MAP3K20: variants seen among roughly 807,000 people sequenced by gnomAD.
MAP3K20 encodes HCCS-4.
Under a neutral mutation model 85.7 loss-of-function variants are expected in MAP3K20, and 40 were observed. The observed-to-expected ratio is 0.47, with a 90% confidence interval of 0.36 to 0.61. MAP3K20 has a LOEUF of 0.61. Among genes scored for constraint, MAP3K20 ranks in the 20% least tolerant of loss-of-function variants. The probability of loss-of-function intolerance (pLI) is 0.00; values close to 1 mark genes in which losing one functional copy is unlikely to be tolerated. For synonymous variants in MAP3K20, 325 were observed against 327.7 expected (o/e 0.99, Z 0.09); for missense variants, 817 against 961.7 (o/e 0.85, Z 1.99).
chr2:173,181,268 G>T (rs916146717), intron 3 of MAP3K20, among the ~76,000 whole-genome samples: 11 of 152,034 alleles, frequency 7.2e-5, no homozygotes, highest in African/African-American at 2.7e-4. Context: ...TGTAATCCCA[G>T]CTACTTGTGA....
At chr2:173,231,012 T>G (rs1181108448) in intron 12 of MAP3K20, among the ~76,000 whole-genome samples, 1 of 152,114 alleles carries the variant, frequency 6.6e-6, no homozygotes, top group African/African-American at 2.4e-5. Context: ...AAAATTTTTT[T>G]TAAGTTCTAT....
intron 7 of MAP3K20, among the ~76,000 whole-genome samples, chr2:173,193,806 T>C (rs2106278527): frequency 6.6e-6 from 1 of 152,342 alleles, no homozygotes; most frequent in South Asian, 2.1e-4. Flanking sequence ...CGTCTCTTTG[T>C]GGATTAGCTT....
At chr2:173,080,729 G>A (rs1452900831) in intron 1 of MAP3K20, among the ~76,000 whole-genome samples, 1 of 152,118 alleles carries the variant, frequency 6.6e-6, no homozygotes, top group Non-Finnish European at 1.5e-5. Context: ...TTGGTACCCT[G>A]TCCTGTTCCC....
chr2:173,208,522 T>C (rs1313624380), intron 9 of MAP3K20, among the ~76,000 whole-genome samples: 1 of 152,228 alleles, frequency 6.6e-6, no homozygotes, highest in Admixed American at 6.5e-5. Context: ...CCTCTTTGCT[T>C]ATTAGAAGGC....
chr2:173,200,518 T>C (rs1169342595), intron 8 of MAP3K20, among the ~76,000 whole-genome samples: 1 of 152,226 alleles, frequency 6.6e-6, no homozygotes, highest in African/African-American at 2.4e-5. Context: ...CAGGAAGACA[T>C]TTTAAATGTT....
chr2:173,225,054 A>G (rs1472292002), intron 11 of MAP3K20: 1 of 985,102 alleles, frequency 1.0e-6, no homozygotes, highest in Non-Finnish European at 1.2e-6. Context: ...TAATTATCAG[A>G]GACATGCAAC....
Position 173,134,407 on chromosome 2 carries a change from TA to T in MAP3K20, c.160-35397del, listed in dbSNP as rs1559245940. Among the ~76,000 whole-genome samples the T allele has an allele frequency of 8.0e-3, 84 of 10,452 alleles. 8 individuals are homozygous for T. Among genetic ancestry groups the T allele is most frequent in the Non-Finnish European group, 0.016 (66 of 4,246 alleles). 6.9% of individuals were successfully genotyped at this position (10,452 alleles called of 152,430 possible). ...GTGTCTCTATACATATATATATATA[TA>T]TATATATATATATATATATATTTTT... On this transcript the variant is annotated intron_variant, in intron 2 of 19. Coordinates refer to ENST00000375213, the MANE Select transcript of MAP3K20 (RefSeq NM_016653.3).
intron 16 of MAP3K20, among the ~76,000 whole-genome samples, chr2:173,248,367 A>G (rs984181548): frequency 6.6e-6 from 1 of 152,238 alleles, no homozygotes; most frequent in Admixed American, 6.5e-5. Context: ...ATATACATTA[A>G]ATAGGTAGAG....
intron 2 of MAP3K20, among the ~76,000 whole-genome samples, chr2:173,115,483 G>T (rs185780004): frequency 1.6e-3 from 237 of 152,240 alleles, no homozygotes; most frequent in African/African-American, 5.3e-3. Flanking sequence ...GGGTGTTGAA[G>T]AGCCTTGTTT....
intron 8 of MAP3K20, among the ~76,000 whole-genome samples, chr2:173,202,988 G>T (rs917521623): frequency 3.3e-5 from 5 of 152,168 alleles, no homozygotes; most frequent in African/African-American, 1.2e-4. Context: ...TTCATTGTTT[G>T]CTTGTTTTAC....
chr2:173,180,694 CA>C (rs1163902272), intron 3 of MAP3K20, among the ~76,000 whole-genome samples: 55 of 136,822 alleles, frequency 4.0e-4, no homozygotes, highest in South Asian at 4.6e-4. Context: ...ATCCATATGC[CA>C]AAAAAAAAAA....
intron 11 of MAP3K20, chr2:173,221,393 TCCA>T (rs1305882309): frequency 6.2e-7 from 1 of 1,614,088 alleles, no homozygotes; most frequent in East Asian, 2.2e-5. Context: ...GCAGAATTCT[TCCA>T]AAACCACATC....
chr2:173,088,228 T>C (rs1456822381), intron 1 of MAP3K20, among the ~76,000 whole-genome samples: 16 of 152,194 alleles, frequency 1.1e-4, no homozygotes, highest in Non-Finnish European at 1.5e-5. Flanking sequence ...AATCCAAACG[T>C]TATCCAAGAA....
intron 3 of MAP3K20, 43 bp from the exon 4 acceptor site, chr2:173,182,811 T>G (rs1348470098): frequency 7.5e-7 from 1 of 1,336,192 alleles, no homozygotes; most frequent in African/African-American, 1.5e-5. Flanking sequence ...TTCTGAAATG[T>G]ATCTTGATTT....
intron 7 of MAP3K20, among the ~76,000 whole-genome samples, chr2:173,194,099 C>T (rs1272497972): frequency 6.6e-6 from 1 of 152,130 alleles, no homozygotes; most frequent in African/African-American, 2.4e-5. Context: ...GTGAGTGAGT[C>T]TATTTTAAAA....
At chr2:173,221,546 TAA>T in intron 11 of MAP3K20, 1 of 1,497,914 alleles carries the variant, frequency 6.7e-7, no homozygotes, top group Non-Finnish European at 9.0e-7. Flanking sequence ...GAAAGCAAAG[TAA>T]TAAAATCACA....
intron 9 of MAP3K20, 41 bp downstream of exon 9, chr2:173,203,911 T>C: frequency 6.4e-7 from 1 of 1,573,200 alleles, no homozygotes; most frequent in Non-Finnish European, 8.7e-7. Context: ...AATTCTGAAA[T>C]TTCTCTTGTT....
intron 9 of MAP3K20, among the ~76,000 whole-genome samples, chr2:173,208,781 T>A (rs1683777381): frequency 6.6e-6 from 1 of 152,236 alleles, no homozygotes; most frequent in South Asian, 2.1e-4. Context: ...AAATGCATGT[T>A]TTAATTGCTG....
Position 173,159,240 on chromosome 2 carries a change from A to G in MAP3K20, c.160-10565A>G, listed in dbSNP as rs930458328. On this transcript the variant is annotated intron_variant, in intron 2 of 19. Coordinates refer to ENST00000375213, the MANE Select transcript of MAP3K20 (RefSeq NM_016653.3). ...GATTTTCTTTGGGGATAATTTCCGT[A>G]TGATTGCTTCGACCAAGTTGCATAA... Among the ~76,000 whole-genome samples, 9 of 152,298 alleles carry G rather than the reference A, an allele frequency of 5.9e-5. No homozygotes were observed. The East Asian group carries it at 1.7e-3, about 29-fold the overall frequency.
Sources: allele counts gnomAD v4.1 joint callset (sites outside exome capture counted in the v4.1 genomes callset), GRCh38; gene constraint gnomAD v4.1.1; transcripts MANE v1.5; gene names NCBI Gene and HGNC (gene_info 2026-07-23, HGNC 2026-07-21).